The following DNAJC6 variants were observed in gnomAD, a reference collection of about 807,000 sequenced individuals.
DNAJC6 encodes auxilin.
In DNAJC6, 34 loss-of-function variants were observed where a neutral mutation model predicts 110.0. That is an observed-to-expected ratio of 0.31 (90% confidence interval 0.24 to 0.41). The LOEUF (loss-of-function observed/expected upper bound fraction) is 0.41. DNAJC6 is among the 10% of genes least tolerant of loss of function. The pLI, the probability that DNAJC6 is intolerant of heterozygous loss-of-function variation, is 1.00. For synonymous variants in DNAJC6, 406 were observed against 437.2 expected (o/e 0.93, Z 0.89); for missense variants, 1,031 against 1,207.8 (o/e 0.85, Z 2.17).
At chr1:65,310,193 C>T (rs1645086064) in intron 1 of DNAJC6, among the ~76,000 whole-genome samples, 1 of 125,268 alleles carries the variant, frequency 8.0e-6, no homozygotes, top group East Asian at 2.8e-4. Context: ...CTGCTGAATA[C>T]GGCAGCTGGG....
chr1:65,410,934 C>A (rs187673555), intron 17 of DNAJC6, among the ~76,000 whole-genome samples: 11 of 152,244 alleles, frequency 7.2e-5, no homozygotes, highest in African/African-American at 2.4e-4. Context: ...TTATTTAGTG[C>A]AGTATCTACC....
Position 65,407,699 on chromosome 1 carries a change from C to A in DNAJC6, c.2492-942C>A, listed in dbSNP as rs186078057. On this transcript the variant is annotated intron_variant, in intron 16 of 18. Transcript: ENST00000371069. ...ATGTGGGGCGAGTGACTTCAATCAG[C>A]AAATACTTATGGAGCATCTTCAGTG... 3.2e-3 allele frequency among the ~76,000 whole-genome samples: 489 copies of A among 152,282 alleles called. 2 individuals carry two copies. Among genetic ancestry groups the A allele is most frequent in the African/African-American group, 0.011 (467 of 41,548 alleles).
intron 1 of DNAJC6, among the ~76,000 whole-genome samples, chr1:65,300,060 A>AAAAAAAAAAAAG (rs1557506358): frequency 6.7e-6 from 1 of 149,706 alleles, no homozygotes. Context: ...AAAAAAAAAA[A>AAAAAAAAAAAAG]AAAGAAAAAA....
At chr1:65,334,063 A>G (rs1645312518) in intron 1 of DNAJC6, among the ~76,000 whole-genome samples, 1 of 152,252 alleles carries the variant, frequency 6.6e-6, no homozygotes, top group African/African-American at 2.4e-5. Flanking sequence ...ATTTATCGTT[A>G]GGTTAATGTA....
At chr1:65,385,328 A>G (rs1645860962) in intron 6 of DNAJC6, among the ~76,000 whole-genome samples, 2 of 152,200 alleles carry the variant, frequency 1.3e-5, no homozygotes, top group South Asian at 2.1e-4. Context: ...TAAAAACTAC[A>G]TCTCCTTAAT....
intron 1 of DNAJC6, among the ~76,000 whole-genome samples, chr1:65,337,022 G>GA (rs928339880): frequency 1.3e-5 from 2 of 151,110 alleles, no homozygotes; most frequent in Admixed American, 6.6e-5. Context: ...TTGTTGTTGG[G>GA]AAAAAAAACC....
intron 1 of DNAJC6, among the ~76,000 whole-genome samples, chr1:65,283,777 T>C (rs1254323942): frequency 6.6e-6 from 1 of 152,262 alleles, no homozygotes; most frequent in East Asian, 1.9e-4. Context: ...ACCATTATTG[T>C]ATGAGTGATC....
intron 1 of DNAJC6, among the ~76,000 whole-genome samples, chr1:65,293,505 A>G (rs1408082375): frequency 6.6e-6 from 1 of 152,118 alleles, no homozygotes; most frequent in Non-Finnish European, 1.5e-5. Flanking sequence ...ACACTCCCCA[A>G]CACCCTCTAT....
intron 1 of DNAJC6, among the ~76,000 whole-genome samples, chr1:65,318,809 C>T (rs779165775): frequency 6.6e-6 from 1 of 151,980 alleles, no homozygotes; most frequent in Non-Finnish European, 1.5e-5. Flanking sequence ...TCATGGCACA[C>T]GTTTATCTAT....
At chr1:65,377,218 G>C (rs1439414211) in intron 4 of DNAJC6, among the ~76,000 whole-genome samples, 1 of 152,216 alleles carries the variant, frequency 6.6e-6, no homozygotes, top group African/African-American at 2.4e-5. Flanking sequence ...TTGAACCTGG[G>C]TTTTAAAAGA....
At chr1:65,270,222 T>G (rs1048118181) in intron 1 of DNAJC6, among the ~76,000 whole-genome samples, 1 of 152,204 alleles carries the variant, frequency 6.6e-6, no homozygotes, top group Non-Finnish European at 1.5e-5. Flanking sequence ...ATTTGCATAT[T>G]GAAATACATG....
At chr1:65,305,970 T>C (rs911150035), upstream of DNAJC6, among the ~76,000 whole-genome samples, 1 of 152,070 alleles carries the variant, frequency 6.6e-6, no homozygotes, top group South Asian at 2.1e-4. Flanking sequence ...ATTACTATAA[T>C]CCTCACTTTA....
chr1:65,292,101 C>T (rs976830557), intron 1 of DNAJC6, among the ~76,000 whole-genome samples: 5 of 152,184 alleles, frequency 3.3e-5, no homozygotes, highest in Non-Finnish European at 5.9e-5. Flanking sequence ...ACTACAACCT[C>T]TGCCTCCCAG....
intron 1 of DNAJC6, among the ~76,000 whole-genome samples, chr1:65,314,244 A>G (rs1321003238): frequency 6.6e-6 from 1 of 151,858 alleles, no homozygotes; most frequent in African/African-American, 2.4e-5. Flanking sequence ...ATGCTAAAAT[A>G]CCATGTAGTG....
chr1:65,374,709 G>C (rs1645742637), intron 4 of DNAJC6, among the ~76,000 whole-genome samples: 1 of 152,120 alleles, frequency 6.6e-6, no homozygotes, highest in South Asian at 2.1e-4. Flanking sequence ...CTAGCCATAA[G>C]ATCATGTTGA....
intron 1 of DNAJC6, among the ~76,000 whole-genome samples, chr1:65,357,540 G>C (rs1276835503): frequency 6.6e-6 from 1 of 152,192 alleles, no homozygotes; most frequent in Non-Finnish European, 1.5e-5. Flanking sequence ...TCTCCTCCCT[G>C]TCCCCAGCAT....
chr1:65,378,172 A>G (rs1429136370), intron 4 of DNAJC6, among the ~76,000 whole-genome samples: 1 of 152,074 alleles, frequency 6.6e-6, no homozygotes. Context: ...GACACTCCTC[A>G]CCAACCTCCT....
intron 1 of DNAJC6, among the ~76,000 whole-genome samples, chr1:65,278,769 TG>T (rs1025793135): frequency 2.0e-5 from 3 of 152,178 alleles, no homozygotes; most frequent in Admixed American, 6.5e-5. Context: ...AAAAATTACC[TG>T]GGGACTGGGG....
chr1:65,410,247 G>A (rs1262882345), intron 17 of DNAJC6, among the ~76,000 whole-genome samples: 1 of 152,064 alleles, frequency 6.6e-6, no homozygotes, highest in East Asian at 1.9e-4. Flanking sequence ...ATATACCACC[G>A]TTCTGTATAA....
Sources: gnomAD v4.1 joint callset for allele counts (sites outside exome capture counted in the v4.1 genomes callset) on GRCh38, gnomAD v4.1.1 for gene constraint, MANE v1.5 for transcripts, NCBI Gene and HGNC (gene_info 2026-07-23, HGNC 2026-07-21) for gene names.